ATP8B3: variants seen among roughly 807,000 people sequenced by gnomAD.
ATP8B3 encodes ATPase phospholipid transporting 8B3.
ATP8B3 carries 141 observed loss-of-function variants against 140.9 expected under a neutral mutation model. The observed-to-expected ratio is 1.00, with a 90% CI of 0.87 to 1.15. ATP8B3 has a LOEUF of 1.15. Among genes scored for constraint, ATP8B3 ranks in the 50% most tolerant of loss-of-function variants. The pLI is 0.00. For synonymous variants in ATP8B3, 765 were observed against 714.6 expected, an observed-to-expected ratio of 1.07 and a Z score of -1.13; for missense variants, 1,874 against 1,740.6, an observed-to-expected ratio of 1.08 and a Z score of -1.36.
chr19:1,796,175 TG>T lies in ATP8B3; in HGVS notation c.1843del (p.Gln615ArgfsTer20). Reference sequence around the variant, plus strand: ...CAGCTCCATGATCGTGACGGTGTCCTGGGTGCGGGACAGGAACACGTAGCCG... The same window carrying T: ...CAGCTCCATGATCGTGACGGTGTCCTGGTGCGGGACAGGAACACGTAGCCG... Reference protein sequence around the residue: ...NFGYVFLSRTQDTVTIMELGE... With the variant: ...NFGYVFLSRTXDTVTIMELGE... On this transcript the variant is annotated frameshift_variant, in exon 17 of 29. Coordinates refer to ENST00000310127, the MANE Select transcript of ATP8B3 (RefSeq NM_138813.4). LOFTEE classifies it high-confidence loss of function. The T allele has an allele frequency of 1.9e-6, 3 of 1,612,878 alleles. No homozygotes were observed. The highest frequency in any genetic ancestry group is 2.5e-6 in the Non-Finnish European group (3 of 1,179,850).
Position 1,804,973 on chromosome 19 carries a change from A to G in ATP8B3, c.904+401T>C, listed in dbSNP as rs527581679. On this transcript the variant is annotated intron_variant, in intron 10 of 28. Transcript: ENST00000310127. ...TTAAATTTTACACTTAATAGAATGT[A>G]GCACTTTATTTTTGGTTTTGACACA... Among the ~76,000 whole-genome samples, 83 of 152,340 alleles carry G rather than the reference A, an allele frequency of 5.4e-4. 3 individuals are homozygous for G. The highest frequency in any genetic ancestry group is 1.9e-3 in the African/African-American group (77 of 41,586).
rs1472701866 is a variant in ATP8B3 at position 1,782,836 on chromosome 19, A to G, written c.*192T>C. The G allele has an allele frequency of 7.1e-6, 5 of 704,504 alleles. No individual in the cohort carries two copies. The African/African-American group carries it at 9.0e-5, about 13-fold the overall frequency. The allele number at this position is 704,504 out of a possible 1,614,324, so 43.6% of individuals were successfully genotyped here. A position where few individuals can be genotyped will look rare whatever the true frequency, so the allele number is the denominator to read the frequency against. On this transcript the variant is annotated 3_prime_UTR_variant, in exon 29 of 29. Transcript: ENST00000310127. The stretch of plus-strand genomic sequence containing the variant: ...GTGCCCTTGGCAATTGCTCTTGGAA[A>G]GACTCAGATAGCCTGTTGCTGCTGG...
chr19:1,786,970 G>T (rs1330829357), intron 25 of ATP8B3, 133 bp downstream of exon 25: 3 of 769,384 alleles, frequency 3.9e-6, no homozygotes, highest in Non-Finnish European at 6.3e-6. Flanking sequence ...GAGAGGTACT[G>T]GACTGCACCC....
intron 25 of ATP8B3, among the ~76,000 whole-genome samples, chr19:1,786,161 C>G (rs1405193306): frequency 2.0e-5 from 3 of 151,956 alleles, no homozygotes; most frequent in African/African-American, 7.3e-5. Flanking sequence ...ATGGAAAGAG[C>G]TCTGGAGGTT....
chr19:1,782,740 T>C lies in ATP8B3; in HGVS notation c.*288A>G, dbSNP rs900046270. 3 of 439,470 alleles carry C rather than the reference T, an allele frequency of 6.8e-6. No homozygotes were observed. Among genetic ancestry groups the C allele is most frequent in the African/African-American group, 5.9e-5 (3 of 50,528 alleles). 27.2% of individuals were successfully genotyped at this position (439,470 alleles called of 1,614,324 possible). On this transcript the variant is annotated 3_prime_UTR_variant, in exon 29 of 29. Coordinates refer to ENST00000310127, the MANE Select transcript of ATP8B3 (RefSeq NM_138813.4). ...ACAGTGATTTCTCCTGAAAAGAATG[T>C]GACCTCTCCTTGGTCAACAGCAACT...
chr19:1,789,889 C>A lies in ATP8B3; in HGVS notation c.2478+1G>T. On this transcript the variant is annotated splice_donor_variant, in intron 22 of 28. Coordinates refer to ENST00000310127, the MANE Select transcript of ATP8B3 (RefSeq NM_138813.4). LOFTEE classifies it high-confidence loss of function. ...CGCCGTCCACCCTGAGCGACACTGA[C>A]CAGGAAGTCTCCGTTAATGACCAAG... 1 of 1,611,110 alleles carries A rather than the reference C, an allele frequency of 6.2e-7. No homozygotes were observed. The highest frequency in any genetic ancestry group is 8.5e-7 in the Non-Finnish European group (1 of 1,178,778).
Position 1,788,977 on chromosome 19 carries a change from G to C in ATP8B3, c.2989C>G (p.Leu997Val). The change falls in exon 24 of 29, where the codon CTG (leucine) becomes GTG (valine). Residue 997 changes from leucine to valine, a missense_variant. Physicochemically the swap from Leu to Val is conservative, Grantham distance 32. This residue lies in a region of ATP8B3 where 840 missense variants were observed against 760.9 expected (regional missense o/e 1.10). Transcript: ENST00000310127. ...ATGCTCTTGTAGAAGAAGTAGCGCA[G>C]GAACTTGCAGATCCGCACGTAGGAC... ...RWSYVRICKFLRYFFYKSMAS... is the reference protein window; with the variant it reads ...RWSYVRICKFVRYFFYKSMAS... 1 of 1,610,228 alleles carries C rather than the reference G, an allele frequency of 6.2e-7. No individual in the cohort carries two copies. The highest frequency in any genetic ancestry group is 8.5e-7 in the Non-Finnish European group (1 of 1,178,670).
In ATP8B3 at chr19:1,806,825, C is replaced by A; in HGVS notation, c.616-136G>T. 3 of 1,012,880 alleles carry A rather than the reference C, an allele frequency of 3.0e-6. No individual in the cohort carries two copies. In the South Asian group the frequency reaches 4.4e-5, roughly 15 times the overall value. 62.7% of individuals were successfully genotyped at this position (1,012,880 alleles called of 1,614,324 possible). The stretch of plus-strand genomic sequence containing the variant: ...CCGCTGGCCCCACGCCACGTTGCGT[C>A]TGCTCAGGGATCCCGGACGTGGGGG... On this transcript the variant is annotated intron_variant, in intron 6 of 28. Transcript: ENST00000310127. The surrounding 1 kb of genome is among the most constrained non-coding windows in gnomAD (Gnocchi z 5.6).
chr19:1,790,696 G>A, intron 21 of ATP8B3, 61 bp downstream of exon 21: 2 of 1,440,784 alleles, frequency 1.4e-6, no homozygotes, highest in South Asian at 1.3e-5. Context: ...CACGCACCTG[G>A]GTGCTCCTTG....
At position 1,785,556 on chromosome 19, in the gene ATP8B3, G is replaced by A. The variant is rs752755290; in HGVS notation, c.3306C>T (p.Arg1102=). The A allele has an allele frequency of 1.8e-5, 29 of 1,612,874 alleles. No homozygotes were observed. The highest frequency in any genetic ancestry group is 1.2e-4 in the African/African-American group (9 of 74,940). The part of the protein sequence containing the change: ...VNFFMTLWIS[R]DTAGPASFSD... ...TGAAGCTGGCGGGTCCCGCCGTGTCGCGGCTGATCCACAGTGTCATGAAGA... is the reference window on the plus strand; with the variant it reads ...TGAAGCTGGCGGGTCCCGCCGTGTCACGGCTGATCCACAGTGTCATGAAGA... The change falls in exon 26 of 29, where the codon CGC becomes CGT. Residue 1102 remains arginine (R), a synonymous_variant. Transcript: ENST00000310127.
In ATP8B3 at chr19:1,796,752, C is replaced by G; in HGVS notation, c.1712G>C (p.Cys571Ser). The G allele has an allele frequency of 6.2e-7, 1 of 1,612,132 alleles. No homozygotes were observed. The highest frequency in any genetic ancestry group is 8.5e-7 in the Non-Finnish European group (1 of 1,179,612). ...GCTCTCCCGCACCATCACCGTGTGG[C>G]AGATGGCCAGCAGGCGCCAGAACTC... ...VREFWRLLAI[C>S]HTVMVRESPR... Residue 571 changes from cysteine (C) to serine (S), a missense_variant, in exon 16 of 29, where the codon TGC becomes TCC. Physicochemically the swap from Cys to Ser is moderately radical, Grantham distance 112. Coordinates refer to ENST00000310127, the MANE Select transcript of ATP8B3 (RefSeq NM_138813.4).
In ATP8B3 at chr19:1,789,579, G is replaced by A. The variant is rs1279324652; in HGVS notation, c.2627C>T (p.Pro876Leu). The A allele has an allele frequency of 1.9e-6, 3 of 1,593,522 alleles. No individual in the cohort carries two copies. The highest frequency in any genetic ancestry group is 2.6e-6 in the Non-Finnish European group (3 of 1,175,584). The stretch of plus-strand genomic sequence containing the variant: ...GTCCTGGGCTGGCGGTGCAGCCAGC[G>A]GGAGCCCGAACCTCCGGCACAGCAG... ...LSLLCRRFGL[P>L]LAAPPAQDSR... The change falls in exon 23 of 29, where the codon CCG becomes CTG. Residue 876 changes from proline to leucine, a missense_variant. Physicochemically the swap from Pro to Leu is moderately conservative, Grantham distance 98. This residue lies in a region of ATP8B3 where 840 missense variants were observed against 760.9 expected (regional missense o/e 1.10). Transcript: ENST00000310127.
rs573825785 is a variant in ATP8B3 at position 1,800,293 on chromosome 19, G to C, written c.1309C>G (p.Leu437Val). 1 of 1,612,712 alleles carries C rather than the reference G, an allele frequency of 6.2e-7. No individual in the cohort carries two copies. The highest frequency in any genetic ancestry group is 1.1e-5 in the South Asian group (1 of 91,080). The change falls in exon 13 of 29, where the codon CTC becomes GTC. Residue 437 changes from leucine (L) to valine (V), a missense_variant. Leu to Val is a conservative substitution (Grantham distance 32). Transcript: ENST00000310127. This position sits in a 1 kb window ranked among gnomAD's most constrained non-coding sequence, Gnocchi z 4.4. The stretch of plus-strand genomic sequence containing the variant: ...ATGGACATCGGGATGGTGACGCTGA[G>C]CAGGATGAGGAAGCTCCAGAAGACG... ...FFVFWSFLIL[L>V]SVTIPMSMFI...
Position 1,796,232 on chromosome 19 carries a change from TC to T in ATP8B3, c.1786del (p.Glu596ArgfsTer39). On this transcript the variant is annotated frameshift_variant, in exon 17 of 29. Transcript: ENST00000310127. LOFTEE classifies it high-confidence loss of function. ...QLLYQAASPD[E>X]GALVTAARNF... The stretch of plus-strand genomic sequence containing the variant: ...CCGGGCTGCGGTGACCAGCGCCCCC[TC>T]GTCGGGGGAGGCCGCCTGGTACAAC... The T allele has an allele frequency of 6.2e-7, 1 of 1,612,216 alleles. No homozygotes were observed. Among genetic ancestry groups the T allele is most frequent in the Non-Finnish European group, 8.5e-7 (1 of 1,179,706 alleles).
At position 1,787,500 on chromosome 19, in the gene ATP8B3, G is replaced by A. The variant is rs564831786; in HGVS notation, c.3070-314C>T. Among the ~76,000 whole-genome samples the A allele has an allele frequency of 3.9e-5, 6 of 152,184 alleles. No individual in the cohort carries two copies. The East Asian group carries it at 1.2e-3, about 29-fold the overall frequency. ...TCTCAGCACTTTGGAAGGCCGAGGC[G>A]GGCAGATCACTTGAGGTCAGGAGTT... On this transcript the variant is annotated intron_variant, in intron 24 of 28. Transcript: ENST00000310127.
chr19:1,796,645 G>A (rs1831384890), intron 16 of ATP8B3, 66 bp downstream of exon 16: 10 of 1,546,282 alleles, frequency 6.5e-6, no homozygotes, highest in Non-Finnish European at 8.7e-6. Context: ...TGAGCTGCGG[G>A]GCTGGGGACA....
In ATP8B3 at chr19:1,806,027, C is replaced by T. The variant is rs1418093258; in HGVS notation, c.751-69G>A. Reference sequence around the variant, plus strand: ...CAAATTGGGGGTGCGGCAGCCCTCCCCACCCTGGGAGGGGTGCTCTCGGTG... The same window carrying T: ...CAAATTGGGGGTGCGGCAGCCCTCCTCACCCTGGGAGGGGTGCTCTCGGTG... On this transcript the variant is annotated intron_variant, in intron 8 of 28. Coordinates refer to ENST00000310127, the MANE Select transcript of ATP8B3 (RefSeq NM_138813.4). This position sits in a 1 kb window ranked among gnomAD's most constrained non-coding sequence, Gnocchi z 5.6. 1.2e-5 allele frequency: 20 copies of T among 1,607,312 alleles called. No homozygotes were observed. Among genetic ancestry groups the T allele is most frequent in the Non-Finnish European group, 1.7e-5 (20 of 1,177,520 alleles).
Position 1,800,060 on chromosome 19 carries a change from G to A in ATP8B3, c.1439C>T (p.Thr480Ile). ...PQDVPAKARS[T>I]SLNDHLGQVE... The stretch of plus-strand genomic sequence containing the variant: ...CTGGCCCAGGTGGTCGTTGAGGCTG[G>A]TGCTGCGGGCCTTGGCAGGCACGTC... Residue 480 changes from threonine (T) to isoleucine (I), a missense_variant, in exon 14 of 29, where the codon ACC (threonine) becomes ATC (isoleucine). By Grantham distance (89) the Thr-to-Ile change is moderately conservative. Around this residue, in one of 3 missense-constraint regions of ATP8B3, gnomAD observed 1,032 missense variants for 963.6 expected, o/e 1.07. Transcript: ENST00000310127. The surrounding 1 kb of genome is among the most constrained non-coding windows in gnomAD (Gnocchi z 4.4). 1 of 1,593,830 alleles carries A rather than the reference G, an allele frequency of 6.3e-7. No homozygotes were observed. The highest frequency in any genetic ancestry group is 8.5e-7 in the Non-Finnish European group (1 of 1,170,276).
rs1216787057 is a variant in ATP8B3, at chr19:1,792,088, C to A, written c.2103G>T (p.Glu701Asp). The A allele has an allele frequency of 1.9e-6, 3 of 1,572,216 alleles. No homozygotes were observed. The highest frequency in any genetic ancestry group is 2.6e-6 in the Non-Finnish European group (3 of 1,162,180). The stretch of plus-strand genomic sequence containing the variant: ...AGTCCTCGTAAATGTCCTCAGCCAC[C>A]TCCCTGTAGGCCAGGCACAGTGTCC... ...TLRTLCLAYREVAEDIYEDWQ... is the reference protein window; with the variant it reads ...TLRTLCLAYRDVAEDIYEDWQ... Residue 701 changes from glutamate (E) to aspartate (D), a missense_variant, in exon 19 of 29, where the codon GAG becomes GAT. By Grantham distance (45) the Glu-to-Asp change is conservative. This residue lies in a region of ATP8B3 where 1,032 missense variants were observed against 963.6 expected (regional missense o/e 1.07). Transcript: ENST00000310127.
Sources: allele counts gnomAD v4.1 joint callset (sites outside exome capture counted in the v4.1 genomes callset), GRCh38; gene constraint gnomAD v4.1.1; regional missense constraint gnomAD v4.1.1; non-coding constraint Gnocchi (gnomAD v3.1); transcripts MANE v1.5; gene names NCBI Gene and HGNC (gene_info 2026-07-23, HGNC 2026-07-21).